The following NTM variants were observed in gnomAD, a reference collection of about 807,000 sequenced individuals.
NTM encodes IgLON family member 2.
NTM carries 13 observed loss-of-function variants against 42.1 expected under a neutral mutation model. That is an observed-to-expected ratio of 0.31 (90% CI 0.20 to 0.49). The LOEUF (loss-of-function observed/expected upper bound fraction) is 0.49, where lower values mean the gene tolerates loss of function less well. Ranked by LOEUF, NTM falls within the 20% of genes least tolerant of loss-of-function variation. NTM has a pLI of 0.99. For missense variants in NTM, 373 were observed against 452.8 expected (o/e 0.82, Z 1.60); for synonymous variants, 187 against 179.2 (o/e 1.04, Z -0.35).
intron 1 of NTM, among the ~76,000 whole-genome samples, chr11:131,733,315 G>A (rs1328037470): frequency 2.0e-5 from 3 of 152,064 alleles, no homozygotes; most frequent in Non-Finnish European, 2.9e-5. Context: ...GTGTTATGAT[G>A]GATAGTCCAG....
intron 4 of NTM, among the ~76,000 whole-genome samples, chr11:132,251,715 C>T (rs1185866106): frequency 6.6e-6 from 1 of 152,160 alleles, no homozygotes; most frequent in Non-Finnish European, 1.5e-5. Context: ...AGGGTTATTC[C>T]AAAGCTCAAA....
chr11:132,051,634 C>T (rs1392775622), intron 2 of NTM, among the ~76,000 whole-genome samples: 1 of 152,184 alleles, frequency 6.6e-6, no homozygotes, highest in Admixed American at 6.5e-5. Context: ...TGACAAGCTG[C>T]TGGCAGGACT....
intron 1 of NTM, among the ~76,000 whole-genome samples, chr11:131,777,996 T>C (rs2087356072): frequency 6.6e-6 from 1 of 152,198 alleles, no homozygotes; most frequent in Admixed American, 6.5e-5. Flanking sequence ...AAAGTAACTA[T>C]CCCAAGGGAA....
chr11:132,078,017 T>C (rs78132619), intron 2 of NTM, among the ~76,000 whole-genome samples: 27 of 152,274 alleles, frequency 1.8e-4, no homozygotes, highest in Middle Eastern at 3.4e-3. Flanking sequence ...AAAATAGAAA[T>C]GTATAAAAGG....
chr11:131,810,269 C>G (rs534561877), intron 1 of NTM, among the ~76,000 whole-genome samples: 1 of 152,274 alleles, frequency 6.6e-6, no homozygotes, highest in South Asian at 2.1e-4. Flanking sequence ...ACTCCCTGTC[C>G]CCATGTTGCT....
At chr11:131,652,272 GT>G (rs1009002727) in intron 1 of NTM, among the ~76,000 whole-genome samples, 8 of 152,122 alleles carry the variant, frequency 5.3e-5, no homozygotes, top group Admixed American at 2.6e-4. Flanking sequence ...TGATCATTGT[GT>G]TTTTTTTCTA....
At chr11:131,787,376 A>ATTATTATTATTATTATT (rs2089422339) in intron 1 of NTM, among the ~76,000 whole-genome samples, 2 of 148,034 alleles carry the variant, frequency 1.4e-5, no homozygotes, top group Non-Finnish European at 3.0e-5. Flanking sequence ...TATTATTATT[A>ATTATTATTATTATTATT]TTATTTTATT....
At chr11:131,576,067 C>CTAGAGAA (rs2057902693) in intron 1 of NTM, among the ~76,000 whole-genome samples, 1 of 152,184 alleles carries the variant, frequency 6.6e-6, no homozygotes, top group Admixed American at 6.5e-5. Context: ...GACACGGTAT[C>CTAGAGAA]TAGAGAAGGT....
intron 1 of NTM, among the ~76,000 whole-genome samples, chr11:131,377,574 C>T (rs1942132722): frequency 6.6e-6 from 1 of 152,190 alleles, no homozygotes; most frequent in South Asian, 2.1e-4. Context: ...AATTTGCTAT[C>T]CAATCATCAC....
chr11:131,931,208 G>T (rs1592960590), intron 2 of NTM, among the ~76,000 whole-genome samples: 1 of 152,206 alleles, frequency 6.6e-6, no homozygotes, highest in East Asian at 1.9e-4. Context: ...AGCACTTTGG[G>T]AGGCTGAGGT....
chr11:131,371,587 T>G (rs1941191214), intron 1 of NTM, among the ~76,000 whole-genome samples: 1 of 152,154 alleles, frequency 6.6e-6, no homozygotes, highest in African/African-American at 2.4e-5. Flanking sequence ...TTCTGTTTAT[T>G]TATCGGCTGA....
rs144670829 is a variant in NTM at position 131,792,191 on chromosome 11, C to T, written c.83-119373C>T. Among the ~76,000 whole-genome samples the T allele has an allele frequency of 7.9e-3, 1,194 of 152,036 alleles. 21 individuals carry two copies. Among genetic ancestry groups the T allele is most frequent in the Admixed American group, 6.8e-3 (104 of 15,260 alleles). ...AGCAAAAATAAAAACAGTCATGTAC[C>T]TCATAAATATATACCTACTATCTAC... On this transcript the variant is annotated intron_variant, in intron 1 of 8. Transcript: ENST00000683400.
chr11:132,175,623 A>T (rs4554894), intron 3 of NTM, among the ~76,000 whole-genome samples: 90,693 of 151,010 alleles, frequency 0.6, 27,662 homozygotes, highest in Non-Finnish European at 0.64. Context: ...AGTCTCGCTC[A>T]GTCGCCCAGG....
In NTM at chr11:132,219,614, C is replaced by T. The variant is rs61270580; in HGVS notation, c.526+7467C>T. 2.7e-3 allele frequency among the ~76,000 whole-genome samples: 405 copies of T among 152,028 alleles called. 1 individual carries two copies. The highest frequency in any genetic ancestry group is 9.1e-3 in the African/African-American group (376 of 41,450). The stretch of plus-strand genomic sequence containing the variant: ...ATTTCCCAAACCAATCAAAGGAATT[C>T]ATAAGAAAAGGCCCTCCCCCCCCAC... On this transcript the variant is annotated intron_variant, in intron 4 of 8. Transcript: ENST00000683400.
At chr11:132,022,792 C>T (rs1181483439) in intron 2 of NTM, among the ~76,000 whole-genome samples, 1 of 152,208 alleles carries the variant, frequency 6.6e-6, no homozygotes, top group Non-Finnish European at 1.5e-5. Context: ...AAAATGTGCA[C>T]TGTGGTCCTT....
intron 1 of NTM, among the ~76,000 whole-genome samples, chr11:131,481,635 AGGG>A (rs1953604949): frequency 1.4e-5 from 2 of 147,660 alleles, no homozygotes; most frequent in African/African-American, 2.4e-5. Flanking sequence ...GCCCTGTTGC[AGGG>A]AAGCACCCTA....
rs1470961766 is a variant in NTM, at chr11:131,741,156, C to A, written c.83-170408C>A. Among the ~76,000 whole-genome samples the A allele has an allele frequency of 5.9e-5, 8 of 136,552 alleles. No individual in the cohort carries two copies. The East Asian group carries it at 1.5e-3, about 25-fold the overall frequency. The allele number at this position is 136,552 out of a possible 152,430, so 89.6% of individuals were successfully genotyped here. A position where few individuals can be genotyped will look rare whatever the true frequency, so the allele number is the denominator to read the frequency against. On this transcript the variant is annotated intron_variant, in intron 1 of 8. Coordinates refer to ENST00000683400, the MANE Select transcript of NTM (RefSeq NM_001352005.2). ...CTCCAGCCTGGGCAACAGAGCAAGA[C>A]CCCGTTGAGAGAGAGAGAGAGAGAG...
At chr11:131,672,277 G>C (rs562798951) in intron 1 of NTM, among the ~76,000 whole-genome samples, 159 of 152,356 alleles carry the variant, frequency 1.0e-3, no homozygotes, top group African/African-American at 3.7e-3. Flanking sequence ...ATGCATTGAG[G>C]GTTCAGGCAG....
chr11:131,440,733 A>G (rs994024982), intron 1 of NTM, among the ~76,000 whole-genome samples: 1 of 146,008 alleles, frequency 6.8e-6, no homozygotes, highest in Non-Finnish European at 1.5e-5. Context: ...GGTTCCACAG[A>G]TGAGTGACGG....
Sources: gnomAD v4.1 joint callset for allele counts (sites outside exome capture counted in the v4.1 genomes callset) on GRCh38, gnomAD v4.1.1 for gene constraint, MANE v1.5 for transcripts, NCBI Gene and HGNC (gene_info 2026-07-23, HGNC 2026-07-21) for gene names.